LIPI: variants seen among roughly 807,000 people sequenced by gnomAD.
LIPI encodes lipase I.
Under a neutral mutation model 50.6 loss-of-function variants are expected in LIPI, and 59 were observed. The observed-to-expected ratio is 1.16, with a 90% CI of 0.94 to 1.45. The LOEUF is 1.45. Ranked by LOEUF, LIPI falls within the 40% of genes most tolerant of loss-of-function variation. LIPI has a pLI of 0.00. For missense variants in LIPI, 586 were observed against 536.3 expected (o/e 1.09, Z -0.92); for synonymous variants, 203 against 178.2 (o/e 1.14, Z -1.11).
intron 9 of LIPI, 185 bp downstream of exon 9, chr21:14,144,438 A>G (rs1057038934): frequency 4.5e-6 from 2 of 445,186 alleles, no homozygotes; most frequent in Non-Finnish European, 4.1e-6. Flanking sequence ...AGATTCCCAA[A>G]TAAATTTTAT....
At chr21:14,110,319 G>A (rs1265345461) in intron 9 of LIPI, among the ~76,000 whole-genome samples, 1 of 150,220 alleles carries the variant, frequency 6.7e-6, no homozygotes, top group Non-Finnish European at 1.5e-5. Context: ...TTAATATAGA[G>A]GCCCCTAAAT....
At chr21:14,134,820 C>A (rs1478706158) in intron 9 of LIPI, among the ~76,000 whole-genome samples, 1 of 151,616 alleles carries the variant, frequency 6.6e-6, no homozygotes, top group Non-Finnish European at 1.5e-5. Context: ...AAACATAAGA[C>A]CAGAAACTAT....
At chr21:14,131,939 C>T (rs1365541853) in intron 9 of LIPI, among the ~76,000 whole-genome samples, 2 of 152,102 alleles carry the variant, frequency 1.3e-5, no homozygotes, top group African/African-American at 4.8e-5. Flanking sequence ...CTTCAATAAG[C>T]TTCAACAATA....
chr21:14,142,459 G>C (rs1474018228), intron 9 of LIPI, among the ~76,000 whole-genome samples: 1 of 149,068 alleles, frequency 6.7e-6, no homozygotes, highest in African/African-American at 2.4e-5. Context: ...TATATTTATA[G>C]ATTATAGATA....
chr21:14,121,755 C>T (rs1217032528), intron 9 of LIPI, among the ~76,000 whole-genome samples: 2 of 152,174 alleles, frequency 1.3e-5, no homozygotes, highest in Admixed American at 1.3e-4. Context: ...AACCTGCAGC[C>T]TCAGTTCAAG....
chr21:14,126,271 A>G (rs78528733), intron 9 of LIPI, among the ~76,000 whole-genome samples: 1,804 of 152,346 alleles, frequency 0.012, 34 homozygotes, highest in African/African-American at 0.041. Context: ...CAGCATTATT[A>G]TAAACATCAA....
At chr21:14,192,980 T>C (rs1418422775) in intron 1 of LIPI, among the ~76,000 whole-genome samples, 2 of 152,212 alleles carry the variant, frequency 1.3e-5, no homozygotes, top group Non-Finnish European at 2.9e-5. Flanking sequence ...AGTTTTGCTT[T>C]GTAACTTTAC....
rs146404948 is a variant in LIPI at position 14,118,726 on chromosome 21, C to T, written c.1296-9646G>A. ...AGTTATCAGGAGTCTGGGCAGAGGA[C>T]AGTCCCCCGGGGCTGGTAGTGAATC... On this transcript the variant is annotated intron_variant, in intron 9 of 9. Transcript: ENST00000681601. 7.9e-5 allele frequency among the ~76,000 whole-genome samples: 12 copies of T among 152,310 alleles called. No individual in the cohort carries two copies. The East Asian group carries it at 1.5e-3, about 20-fold the overall frequency.
chr21:14,176,107 G>A (rs1321815023), intron 4 of LIPI, among the ~76,000 whole-genome samples: 1 of 150,136 alleles, frequency 6.7e-6, no homozygotes, highest in African/African-American at 2.5e-5. Context: ...GAACCCGGGA[G>A]TTGGAGCTTG....
intron 2 of LIPI, 41 bp downstream of exon 2, chr21:14,188,993 T>C: frequency 2.0e-6 from 3 of 1,472,798 alleles, no homozygotes; most frequent in Non-Finnish European, 1.9e-6. Flanking sequence ...ACGTATAATA[T>C]ATTGTATAGC....
At chr21:14,115,700 C>T (rs939475292) in intron 9 of LIPI, among the ~76,000 whole-genome samples, 23 of 152,050 alleles carry the variant, frequency 1.5e-4, no homozygotes, top group African/African-American at 3.6e-4. Context: ...ACAGTGCAAA[C>T]GGAACCGACT....
chr21:14,142,169 G>T (rs2123049499), intron 9 of LIPI, among the ~76,000 whole-genome samples: 1 of 152,130 alleles, frequency 6.6e-6, no homozygotes, highest in African/African-American at 2.4e-5. Context: ...GTCGGGGGTT[G>T]GGGGACTAGG....
chr21:14,197,916 C>A (rs1369561642), intron 1 of LIPI, among the ~76,000 whole-genome samples: 1 of 151,966 alleles, frequency 6.6e-6, no homozygotes, highest in Non-Finnish European at 1.5e-5. Context: ...ACTAACAGAG[C>A]ACCTTTCAGC....
At chr21:14,161,633 A>ATATACATTATTATATATTAATG (rs1568858316) in intron 7 of LIPI, among the ~76,000 whole-genome samples, 8 of 100,576 alleles carry the variant, frequency 8.0e-5, no homozygotes, top group African/African-American at 3.3e-4. Flanking sequence ...ATATATTAAT[A>ATATACATTATTATATATTAATG]TATAATATAT....
intron 7 of LIPI, among the ~76,000 whole-genome samples, chr21:14,161,454 T>C (rs1194958461): frequency 7.2e-6 from 1 of 139,134 alleles, no homozygotes; most frequent in East Asian, 2.0e-4. Context: ...TATATATAGA[T>C]ATTATATAGC....
At position 14,163,430 on chromosome 21, in the gene LIPI, T is replaced by C. The variant is rs767439399; in HGVS notation, c.995A>G (p.Tyr332Cys). 2.1e-6 allele frequency: 3 copies of C among 1,462,492 alleles called. No homozygotes were observed. Among genetic ancestry groups the C allele is most frequent in the Non-Finnish European group, 2.9e-6 (3 of 1,042,412 alleles). The allele number at this position is 1,462,492 out of a possible 1,614,324, so 90.6% of individuals were successfully genotyped here. A position where few individuals can be genotyped will look rare whatever the true frequency, so the allele number is the denominator to read the frequency against. The change falls in exon 7 of 10, where the codon TAT (tyrosine) becomes TGT (cysteine). Residue 332 changes from tyrosine to cysteine, a missense_variant. Transcript: ENST00000681601. ...TGTTAATAACTTACTACAGAATGGA[T>C]ATGTACCACTTGTATCCAAAAACAC... ...TTVFLDTSGT[Y>C]PFCTYYFVLS...
chr21:14,162,149 A>G (rs887338031), intron 7 of LIPI, among the ~76,000 whole-genome samples: 11 of 151,094 alleles, frequency 7.3e-5, no homozygotes, highest in African/African-American at 2.4e-4. Context: ...CTCAGCCACT[A>G]AAAGTATAGT....
intron 9 of LIPI, among the ~76,000 whole-genome samples, chr21:14,111,901 A>T (rs1350853477): frequency 6.6e-6 from 1 of 152,018 alleles, no homozygotes; most frequent in Admixed American, 6.6e-5. Flanking sequence ...TTGTTACAAG[A>T]ATATATTGTG....
intron 9 of LIPI, among the ~76,000 whole-genome samples, chr21:14,115,298 C>T (rs559662174): frequency 6.6e-6 from 1 of 152,266 alleles, no homozygotes; most frequent in South Asian, 2.1e-4. Context: ...GGATGTGGAA[C>T]ATATAGCATA....
Sources: gnomAD v4.1 joint callset for allele counts (sites outside exome capture counted in the v4.1 genomes callset) on GRCh38, gnomAD v4.1.1 for gene constraint, MANE v1.5 for transcripts, NCBI Gene and HGNC (gene_info 2026-07-23, HGNC 2026-07-21) for gene names.